RIC3: variants seen among roughly 807,000 people sequenced by gnomAD.
The protein encoded by RIC3 is RIC3 acetylcholine receptor chaperone.
RIC3 carries 28 observed loss-of-function variants against 27.3 expected under a neutral mutation model. The ratio of observed to expected loss-of-function variants is 1.02; its 90% CI spans 0.76 to 1.41. The LOEUF (loss-of-function observed/expected upper bound fraction) is 1.41. Among genes scored for constraint, RIC3 ranks in the 40% most tolerant of loss-of-function variants. RIC3 has a pLI of 0.00. For synonymous variants in RIC3, 184 were observed against 160.4 expected (o/e 1.15, Z -1.11); for missense variants, 501 against 444.7 (o/e 1.13, Z -1.14).
At position 8,107,056 on chromosome 11, in the gene RIC3, G is replaced by GT. The variant is rs1455824655; in HGVS notation, c.*3641dup. The GT allele has an allele frequency of 6.6e-6, 1 of 152,192 alleles. No homozygotes were observed. The highest frequency in any genetic ancestry group is 2.4e-5 in the African/African-American group (1 of 41,450). 9.4% of individuals were successfully genotyped at this position (152,192 alleles called of 1,614,324 possible). A position where few individuals can be genotyped will look rare whatever the true frequency, so the allele number is the denominator to read the frequency against. On this transcript the variant is annotated 3_prime_UTR_variant, in exon 6 of 6. Transcript: ENST00000309737. Reference sequence around the variant, plus strand: ...CATGGGGAAACTGGTTCTCTGAGAGGTTAAGGAATGACCTAAGAGGAGAAA... The same window carrying GT: ...CATGGGGAAACTGGTTCTCTGAGAGGTTTAAGGAATGACCTAAGAGGAGAAA...
intron 5 of RIC3, among the ~76,000 whole-genome samples, chr11:8,115,988 T>C (rs1421969259): frequency 6.6e-6 from 1 of 152,170 alleles, no homozygotes. Flanking sequence ...AGTACCTGAT[T>C]CCCAAATCTA....
chr11:8,148,096 G>T (rs1478674131), intron 1 of RIC3, among the ~76,000 whole-genome samples: 1 of 152,184 alleles, frequency 6.6e-6, no homozygotes, highest in Non-Finnish European at 1.5e-5. Flanking sequence ...AGGTGGGCAG[G>T]TAGGCTTGGA....
chr11:8,143,532 T>C (rs796653157), intron 1 of RIC3, among the ~76,000 whole-genome samples: 2 of 139,598 alleles, frequency 1.4e-5, no homozygotes, highest in African/African-American at 2.7e-5. Flanking sequence ...TAAAAGAGGA[T>C]ACAAACAAAC....
intron 1 of RIC3, among the ~76,000 whole-genome samples, chr11:8,147,861 G>A (rs1211015410): frequency 1.3e-5 from 2 of 151,634 alleles, no homozygotes; most frequent in East Asian, 3.9e-4. Flanking sequence ...CCAAGTAGCT[G>A]GGATTACAGG....
downstream of RIC3, chr11:8,101,839 AG>A: frequency 4.2e-6 from 2 of 478,088 alleles, no homozygotes; most frequent in Non-Finnish European, 6.3e-6. Context: ...TGAAGGGATG[AG>A]AATAATTCTT....
intron 4 of RIC3, among the ~76,000 whole-genome samples, chr11:8,133,145 G>A (rs61509798): frequency 7.9e-4 from 121 of 152,266 alleles, no homozygotes; most frequent in African/African-American, 2.9e-3. Flanking sequence ...AAGTGGGCTG[G>A]CCTCTGGTGC....
At chr11:8,098,677 C>T in the RIC3 span, 5 of 1,039,112 alleles carry the variant, frequency 4.8e-6, no homozygotes, top group Non-Finnish European at 7.3e-6. Context: ...TTTGCAGGCT[C>T]CTCATAGGAC....
At position 8,145,642 on chromosome 11, in the gene RIC3, G is replaced by C. The variant is rs542812628; in HGVS notation, c.125-5449C>G. Among the ~76,000 whole-genome samples, 26 of 152,242 alleles carry C rather than the reference G, an allele frequency of 1.7e-4. No individual in the cohort carries two copies. In the South Asian group the frequency reaches 4.4e-3, roughly 26 times the overall value. ...TGTGAGTGGAAGAGCAGGGCTTGTG[G>C]GGAGGGGCAGAGGCAGGGGGAGGTG... is the stretch of plus-strand genomic sequence containing the variant. On this transcript the variant is annotated intron_variant, in intron 1 of 5. Transcript: ENST00000309737.
chr11:8,124,802 T>C (rs1256263437), intron 5 of RIC3, among the ~76,000 whole-genome samples: 1 of 152,112 alleles, frequency 6.6e-6, no homozygotes, highest in East Asian at 1.9e-4. Flanking sequence ...GGGTATTTGA[T>C]ATGGAAAAAA....
At chr11:8,105,889 G>C (rs1944576030), downstream of RIC3, 1 of 152,192 alleles carries the variant, frequency 6.6e-6, no homozygotes, top group Non-Finnish European at 1.5e-5. Context: ...CTAGGAAAGG[G>C]AAGCCTGACT....
At chr11:8,123,418 GAAAC>G (rs897264664) in intron 5 of RIC3, among the ~76,000 whole-genome samples, 3 of 151,978 alleles carry the variant, frequency 2.0e-5, no homozygotes, top group Admixed American at 6.6e-5. Context: ...AATGAAATAA[GAAAC>G]AAACAAACAA....
At chr11:8,096,891 G>T in the RIC3 span, 2 of 1,497,500 alleles carry the variant, frequency 1.3e-6, no homozygotes, top group East Asian at 4.5e-5. Context: ...AGATGGACTC[G>T]TATGCCTTTA....
rs907778423 is a variant in RIC3 at position 8,110,605 on chromosome 11, G to A, written c.*93C>T. The A allele has an allele frequency of 9.0e-7, 1 of 1,113,028 alleles. No homozygotes were observed. The highest frequency in any genetic ancestry group is 1.2e-5 in the South Asian group (1 of 80,590). The allele number at this position is 1,113,028 out of a possible 1,614,324, so 68.9% of individuals were successfully genotyped here. A position where few individuals can be genotyped will look rare whatever the true frequency, so the allele number is the denominator to read the frequency against. On this transcript the variant is annotated 3_prime_UTR_variant, in exon 6 of 6. Transcript: ENST00000309737. The stretch of plus-strand genomic sequence containing the variant: ...GATAGCTATGACACTTGAACACAGT[G>A]AAGAAAGTGCAGGGCACAGGGCCAA...
chr11:8,162,738 C>T (rs1221702905), intron 1 of RIC3, among the ~76,000 whole-genome samples: 1 of 150,736 alleles, frequency 6.6e-6, no homozygotes, highest in Non-Finnish European at 1.5e-5. Context: ...CTCCAACTCC[C>T]AGGTTCAAGC....
At chr11:8,138,566 G>C in intron 2 of RIC3, 1 of 487,652 alleles carries the variant, frequency 2.1e-6, no homozygotes, top group Non-Finnish European at 3.6e-6. Context: ...GTAAAGTAGA[G>C]ATTCCTCTTC....
At chr11:8,155,469 G>C (rs1414036418) in intron 1 of RIC3, among the ~76,000 whole-genome samples, 1 of 151,934 alleles carries the variant, frequency 6.6e-6, no homozygotes, top group East Asian at 1.9e-4. Flanking sequence ...CCAGCTACTC[G>C]GGAAGCTAAG....
intron 1 of RIC3, among the ~76,000 whole-genome samples, chr11:8,161,532 A>G (rs1053850263): frequency 6.6e-6 from 1 of 152,130 alleles, no homozygotes; most frequent in Admixed American, 6.5e-5. Flanking sequence ...TCTAATATCC[A>G]TATTTTCCTT....
At chr11:8,161,210 T>A (rs370093699) in intron 1 of RIC3, among the ~76,000 whole-genome samples, 2 of 152,194 alleles carry the variant, frequency 1.3e-5, no homozygotes, top group African/African-American at 4.8e-5. Context: ...TGTAGAGATA[T>A]TTAATTTTTT....
At chr11:8,140,241 G>T in intron 1 of RIC3, 48 bp from the exon 2 acceptor site, 1 of 1,523,208 alleles carries the variant, frequency 6.6e-7, no homozygotes, top group Admixed American at 2.0e-5. Context: ...TTTTAAAGAT[G>T]GCTATCATGA....
Sources: gnomAD v4.1 joint callset for allele counts (sites outside exome capture counted in the v4.1 genomes callset) on GRCh38, gnomAD v4.1.1 for gene constraint, MANE v1.5 for transcripts, NCBI Gene and HGNC (gene_info 2026-07-23, HGNC 2026-07-21) for gene names.